Variants in KMT2C observed in about 807,000 individuals in gnomAD.
KMT2C encodes the protein lysine methyltransferase 2C, also known as histone-lysine N-methyltransferase 2C.
Under a neutral mutation model 507.9 loss-of-function variants are expected in KMT2C, and 88 were observed. That is an observed-to-expected ratio of 0.17 (90% CI 0.15 to 0.21). KMT2C has a LOEUF of 0.21. Among genes scored for constraint, KMT2C ranks in the 10% least tolerant of loss-of-function variants. The pLI is 1.00. For synonymous variants in KMT2C, 2,049 were observed against 2,080.8 expected, an observed-to-expected ratio of 0.98 and a Z score of 0.42; for missense variants, 4,954 against 5,957.8, an observed-to-expected ratio of 0.83 and a Z score of 5.55.
Position 152,144,681 on chromosome 7 carries a change from CT to C in KMT2C, c.14343+31del. On this transcript the variant is annotated intron_variant, in intron 55 of 58. Coordinates refer to ENST00000262189, the MANE Select transcript of KMT2C (RefSeq NM_170606.3). The surrounding 1 kb of genome is among the most constrained non-coding windows in gnomAD (Gnocchi z 4.4). ...CAGATTGCTAGACTCCACCCTGTCT[CT>C]CCACTTCCTGTACACAAAGTATTTC... 6.3e-7 allele frequency: 1 copy of C among 1,597,414 alleles called. No individual in the cohort carries two copies. The highest frequency in any genetic ancestry group is 8.6e-7 in the Non-Finnish European group (1 of 1,167,712).
Position 152,135,473 on chromosome 7 carries a change from T to C in KMT2C, c.*1359A>G, listed in dbSNP as rs1440657467. 4.5e-6 allele frequency: 1 copy of C among 222,204 alleles called. No homozygotes were observed. Among genetic ancestry groups the C allele is most frequent in the Non-Finnish European group, 9.0e-6 (1 of 111,018 alleles). 13.8% of individuals were successfully genotyped at this position (222,204 alleles called of 1,614,324 possible). A position where few individuals can be genotyped will look rare whatever the true frequency, so the allele number is the denominator to read the frequency against. ...AAAATTACATCTTCCAAAAACCCTA[T>C]TGCCAGAGTCCTGCAGCTGTAAGCA... On this transcript the variant is annotated 3_prime_UTR_variant, in exon 59 of 59. Transcript: ENST00000262189.
intron 48 of KMT2C, among the ~76,000 whole-genome samples, chr7:152,153,282 G>C (rs888370643): frequency 1.3e-5 from 2 of 152,120 alleles, no homozygotes; most frequent in African/African-American, 4.8e-5. Flanking sequence ...ACTTCCAGGG[G>C]CTTCCCTCCA....
chr7:152,159,803 T>C (rs1465213633), intron 43 of KMT2C, among the ~76,000 whole-genome samples: 1 of 152,214 alleles, frequency 6.6e-6, no homozygotes, highest in African/African-American at 2.4e-5. Context: ...TCAGGCTCCA[T>C]TATTTCTAAA....
At chr7:152,431,853 GAAT>G (rs753554460) in intron 1 of KMT2C, among the ~76,000 whole-genome samples, 6 of 152,264 alleles carry the variant, frequency 3.9e-5, no homozygotes, top group Non-Finnish European at 1.5e-5. Context: ...CAAAAAGCAT[GAAT>G]AATAGTGCTG....
At chr7:152,265,372 A>C (rs868572720) in intron 7 of KMT2C, among the ~76,000 whole-genome samples, 163 bp from the exon 8 acceptor site, 21 of 152,190 alleles carry the variant, frequency 1.4e-4, no homozygotes, top group Admixed American at 3.3e-4. Context: ...CAATAAAAAC[A>C]CTGTAGGGTA....
intron 6 of KMT2C, among the ~76,000 whole-genome samples, chr7:152,274,432 G>A (rs2096041176): frequency 6.6e-6 from 1 of 152,058 alleles, no homozygotes; most frequent in African/African-American, 2.4e-5. Flanking sequence ...AGATGGAAAT[G>A]TGGGCGAAAA....
At chr7:152,137,542 T>G (rs2090003860) in intron 58 of KMT2C, 1 of 152,502 alleles carries the variant, frequency 6.6e-6, no homozygotes, top group Admixed American at 6.5e-5. Flanking sequence ...CAGGAATTTC[T>G]AGGTCTCTTC....
chr7:152,224,188 C>T lies in KMT2C; in HGVS notation c.3159-9G>A. On this transcript the variant is annotated splice_polypyrimidine_tract_variant and intron_variant, in intron 19 of 58. Coordinates refer to ENST00000262189, the MANE Select transcript of KMT2C (RefSeq NM_170606.3). ...GTCTGCACCAAACACACCTGAAATC[C>T]AAATCCCCCCGAAAAGTCTCAATTT... 6.3e-7 allele frequency: 1 copy of T among 1,595,278 alleles called. No homozygotes were observed. Among genetic ancestry groups the T allele is most frequent in the Non-Finnish European group, 8.6e-7 (1 of 1,168,858 alleles).
chr7:152,222,610 A>G lies in KMT2C; in HGVS notation c.3396T>C (p.Asp1132=). 1.2e-6 allele frequency: 2 copies of G among 1,609,756 alleles called. No individual in the cohort carries two copies. The highest frequency in any genetic ancestry group is 2.2e-5 in the East Asian group (1 of 44,818). ...EVENVADIGF[D]CSMCRPYMPA... ...GCATATAGGGTCTGCACATGCTACA[A>G]TCAAAACCAATGTCTGCTACATTTT... The change falls in exon 21 of 59, where the codon GAT becomes GAC. Residue 1132 remains aspartate (D), a synonymous_variant. Coordinates refer to ENST00000262189, the MANE Select transcript of KMT2C (RefSeq NM_170606.3).
At position 152,235,223 on chromosome 7, in the gene KMT2C, A is replaced by C. The variant is rs1310524779; in HGVS notation, c.2769+594T>G. The stretch of plus-strand genomic sequence containing the variant: ...TTCAAGGGTGTATATATATATATAT[A>C]TCAAAGCTTATGGAATTGTACATGT... On this transcript the variant is annotated intron_variant, in intron 16 of 58. Transcript: ENST00000262189. Among the ~76,000 whole-genome samples the C allele has an allele frequency of 4.7e-4, 71 of 151,272 alleles. 2 individuals carry two copies. Among genetic ancestry groups the C allele is most frequent in the Admixed American group, 1.8e-3 (28 of 15,216 alleles).
intron 1 of KMT2C, among the ~76,000 whole-genome samples, chr7:152,360,865 T>C (rs1399650277): frequency 6.7e-6 from 1 of 148,274 alleles, no homozygotes; most frequent in South Asian, 2.1e-4. Flanking sequence ...GAAAAAAAAA[T>C]TGAAGTAATC....
intron 42 of KMT2C, 35 bp downstream of exon 42, chr7:152,167,111 G>GT (rs1013940968): frequency 6.7e-7 from 1 of 1,497,728 alleles, no homozygotes; most frequent in Admixed American, 1.7e-5. Flanking sequence ...CTCATTAATT[G>GT]TTGGTAGTTT....
At chr7:152,195,197 T>C (rs993130035) in intron 28 of KMT2C, among the ~76,000 whole-genome samples, 2 of 152,192 alleles carry the variant, frequency 1.3e-5, no homozygotes, top group Admixed American at 6.5e-5. Context: ...CTCAATATTA[T>C]TACTATTAAA....
chr7:152,156,398 G>C, intron 44 of KMT2C, 52 bp from the exon 45 acceptor site: 5 of 1,593,326 alleles, frequency 3.1e-6, no homozygotes, highest in Non-Finnish European at 4.3e-6. Flanking sequence ...AATATGCAAT[G>C]ACCTTGCTAA....
chr7:152,243,030 T>G (rs1334323493), intron 14 of KMT2C, among the ~76,000 whole-genome samples: 1 of 152,220 alleles, frequency 6.6e-6, no homozygotes, highest in Admixed American at 6.5e-5. Context: ...GTCTTTTTGG[T>G]AAATATAATC....
intron 1 of KMT2C, among the ~76,000 whole-genome samples, chr7:152,418,604 G>T (rs1310211031): frequency 4.0e-5 from 6 of 151,676 alleles, no homozygotes; most frequent in Admixed American, 3.3e-4. Context: ...GCTAATTTTT[G>T]TATTTTTAGT....
chr7:152,299,115 C>A (rs1395211758), intron 6 of KMT2C, among the ~76,000 whole-genome samples: 2 of 151,790 alleles, frequency 1.3e-5, no homozygotes, highest in African/African-American at 2.4e-5. Flanking sequence ...GTCAGGAGAT[C>A]GAGACCATCC....
chr7:152,150,901 T>G lies in KMT2C; in HGVS notation c.12773A>C (p.Lys4258Thr). Residue 4258 changes from lysine (K) to threonine (T), a missense_variant and splice_region_variant, in exon 51 of 59, where the codon AAG becomes ACG. By Grantham distance (78) the Lys-to-Thr change is moderately conservative (BLOSUM62 -1). Transcript: ENST00000262189. ...STAQAKNSEN[K>T]ESIPSLPQSP... The stretch of plus-strand genomic sequence containing the variant: ...CAGCTGAGATTATCCTAATCTCACC[T>G]TGTTTTCTGAGTTTTTCGCTTGTGC... 1 of 1,596,416 alleles carries G rather than the reference T, an allele frequency of 6.3e-7. No individual in the cohort carries two copies. The highest frequency in any genetic ancestry group is 8.6e-7 in the Non-Finnish European group (1 of 1,164,256).
intron 4 of KMT2C, among the ~76,000 whole-genome samples, chr7:152,314,577 C>A (rs1589131291): frequency 2.1e-5 from 3 of 141,156 alleles, no homozygotes; most frequent in Admixed American, 7.1e-5. Context: ...GGAGGGAAGG[C>A]AGGGGAGGGA....
Sources: gnomAD v4.1 joint callset for allele counts (sites outside exome capture counted in the v4.1 genomes callset) on GRCh38, gnomAD v4.1.1 for gene constraint, Gnocchi (gnomAD v3.1) non-coding constraint, MANE v1.5 for transcripts, NCBI Gene and HGNC (gene_info 2026-07-23, HGNC 2026-07-21) for gene names.